CLSTN2: variants seen among roughly 807,000 people sequenced by gnomAD.
CLSTN2 encodes the protein calsyntenin 2.
Under a neutral mutation model 101.2 loss-of-function variants are expected in CLSTN2, and 48 were observed. The ratio of observed to expected loss-of-function variants is 0.47; its 90% CI spans 0.38 to 0.60. CLSTN2 has a LOEUF of 0.60. Ranked by LOEUF, CLSTN2 falls within the 20% of genes least tolerant of loss-of-function variation. CLSTN2 has a pLI of 0.00. For synonymous variants in CLSTN2, 481 were observed against 463.6 expected (o/e 1.04, Z -0.48); for missense variants, 1,160 against 1,238.2 (o/e 0.94, Z 0.95).
chr3:140,499,189 A>G (rs1934523670), intron 8 of CLSTN2, among the ~76,000 whole-genome samples: 2 of 152,154 alleles, frequency 1.3e-5, no homozygotes, highest in Admixed American at 1.3e-4. Context: ...CTGACTCTGA[A>G]AAGCAGGGAG....
chr3:140,551,750 T>C (rs1935707637), intron 10 of CLSTN2, among the ~76,000 whole-genome samples: 1 of 151,318 alleles, frequency 6.6e-6, no homozygotes, highest in Admixed American at 6.6e-5. Context: ...AAATTGATAT[T>C]ATTTACCTTG....
At chr3:140,112,414 G>T (rs1257100684) in intron 1 of CLSTN2, among the ~76,000 whole-genome samples, 1 of 151,848 alleles carries the variant, frequency 6.6e-6, no homozygotes, top group Non-Finnish European at 1.5e-5. Context: ...TAAATTTTCT[G>T]CCATAGAATA....
intron 10 of CLSTN2, among the ~76,000 whole-genome samples, chr3:140,553,879 GATA>G (rs1187121279): frequency 3.3e-5 from 5 of 152,280 alleles, no homozygotes; most frequent in South Asian, 2.1e-4. Context: ...GGTGAGTACT[GATA>G]ATGACTCCCA....
intron 2 of CLSTN2, among the ~76,000 whole-genome samples, chr3:140,217,670 GGCATATAT>G (rs2010937081): frequency 6.6e-6 from 1 of 152,170 alleles, no homozygotes; most frequent in South Asian, 2.1e-4. Context: ...TAGGATTTGT[GGCATATAT>G]GACACATTTC....
At chr3:139,941,851 T>C (rs1219261426) in intron 1 of CLSTN2, among the ~76,000 whole-genome samples, 1 of 152,236 alleles carries the variant, frequency 6.6e-6, no homozygotes, top group African/African-American at 2.4e-5. Flanking sequence ...GTTCATACTA[T>C]GTGCCAAGCA....
At chr3:140,536,287 G>A (rs984336352) in intron 9 of CLSTN2, among the ~76,000 whole-genome samples, 3 of 151,958 alleles carry the variant, frequency 2.0e-5, no homozygotes, top group Non-Finnish European at 4.4e-5. Flanking sequence ...GGCACATCTA[G>A]TGTGCTTGGC....
Position 140,404,719 on chromosome 3 carries a change from A to T in CLSTN2, c.590A>T (p.Asn197Ile), listed in dbSNP as rs772657107. The change falls in exon 4 of 17, where the codon AAC becomes ATC. Residue 197 changes from asparagine to isoleucine, a missense_variant. Asn to Ile is a moderately radical substitution (Grantham distance 149). Coordinates refer to ENST00000458420, the MANE Select transcript of CLSTN2 (RefSeq NM_022131.3). ...TCCCCACAGTACAGCCAGATCTGCA[A>T]CTATGAAATCGTCACCACAGATGTG... ...DCSPQYSQIC[N>I]YEIVTTDVPF... 1 of 1,614,224 alleles carries T rather than the reference A, an allele frequency of 6.2e-7. No homozygotes were observed. The highest frequency in any genetic ancestry group is 2.2e-5 in the East Asian group (1 of 44,870).
At chr3:139,957,624 A>G (rs1935431144) in intron 1 of CLSTN2, among the ~76,000 whole-genome samples, 1 of 152,136 alleles carries the variant, frequency 6.6e-6, no homozygotes, top group African/African-American at 2.4e-5. Context: ...TGAATAGACA[A>G]AGGAATGAAT....
intron 2 of CLSTN2, among the ~76,000 whole-genome samples, chr3:140,321,885 C>T (rs868808421): frequency 3.3e-5 from 5 of 152,198 alleles, no homozygotes; most frequent in African/African-American, 9.7e-5. Context: ...AACGCAGGCT[C>T]GTAGGAAAGG....
In CLSTN2 at chr3:140,575,382, A is replaced by C. The variant is rs2107800541; in HGVS notation, c.*9129A>C. The stretch of plus-strand genomic sequence containing the variant: ...TAAAGATGCATCCAAGTTTGCAAAA[A>C]ATTATGGGTAAATCTGGCCATGTGA... On this transcript the variant is annotated 3_prime_UTR_variant, in exon 17 of 17. Coordinates refer to ENST00000458420, the MANE Select transcript of CLSTN2 (RefSeq NM_022131.3). 6.6e-6 allele frequency: 1 copy of C among 152,302 alleles called. No individual in the cohort carries two copies. Among genetic ancestry groups the C allele is most frequent in the Non-Finnish European group, 1.5e-5 (1 of 68,044 alleles). The allele number at this position is 152,302 out of a possible 1,614,324, so 9.4% of individuals were successfully genotyped here. A position where few individuals can be genotyped will look rare whatever the true frequency, so the allele number is the denominator to read the frequency against.
chr3:140,083,283 C>T (rs1416563893), intron 1 of CLSTN2, among the ~76,000 whole-genome samples: 1 of 152,158 alleles, frequency 6.6e-6, no homozygotes, highest in East Asian at 1.9e-4. Flanking sequence ...GGCAAGTCTA[C>T]TATGTTGCTA....
intron 8 of CLSTN2, among the ~76,000 whole-genome samples, chr3:140,484,611 T>C (rs1934199099): frequency 6.6e-6 from 1 of 152,242 alleles, no homozygotes; most frequent in Admixed American, 6.5e-5. Context: ...CAATCAGATG[T>C]AGATTTGGTC....
At chr3:140,481,851 G>A (rs1327053835) in intron 8 of CLSTN2, among the ~76,000 whole-genome samples, 3 of 152,216 alleles carry the variant, frequency 2.0e-5, no homozygotes, top group African/African-American at 7.2e-5. Flanking sequence ...ATTTTGGGCT[G>A]AGACGATGGG....
intron 8 of CLSTN2, among the ~76,000 whole-genome samples, chr3:140,511,347 A>G (rs1934809489): frequency 6.6e-6 from 1 of 152,080 alleles, no homozygotes; most frequent in Non-Finnish European, 1.5e-5. Flanking sequence ...TTGTATCTTT[A>G]TAATAAAATG....
intron 1 of CLSTN2, among the ~76,000 whole-genome samples, chr3:140,019,036 C>T (rs929497243): frequency 3.3e-5 from 5 of 152,212 alleles, no homozygotes; most frequent in South Asian, 2.1e-4. Flanking sequence ...GGAGTCTCCT[C>T]GGCTCTGAAG....
At chr3:140,360,443 A>T (rs1388612844) in intron 2 of CLSTN2, among the ~76,000 whole-genome samples, 2 of 152,258 alleles carry the variant, frequency 1.3e-5, no homozygotes, top group Non-Finnish European at 2.9e-5. Context: ...GGAAAAGGAG[A>T]AGCATTTGAG....
chr3:140,527,836 A>AT (rs1187389029), intron 8 of CLSTN2, among the ~76,000 whole-genome samples: 4 of 152,162 alleles, frequency 2.6e-5, no homozygotes, highest in African/African-American at 9.7e-5. Context: ...CAAATACCGT[A>AT]TTTTTTCACT....
intron 8 of CLSTN2, among the ~76,000 whole-genome samples, chr3:140,490,142 A>G (rs1396428020): frequency 1.7e-5 from 2 of 119,794 alleles, no homozygotes; most frequent in Non-Finnish European, 3.4e-5. Context: ...ACACACACAC[A>G]CACACACACA....
chr3:140,150,670 G>T (rs1382381157), intron 1 of CLSTN2, among the ~76,000 whole-genome samples: 1 of 152,248 alleles, frequency 6.6e-6, no homozygotes, highest in East Asian at 1.9e-4. Flanking sequence ...AAACTCTAGA[G>T]CATCCAGAGG....
Sources: gnomAD v4.1 joint callset for allele counts (sites outside exome capture counted in the v4.1 genomes callset) on GRCh38, gnomAD v4.1.1 for gene constraint, MANE v1.5 for transcripts, NCBI Gene and HGNC (gene_info 2026-07-23, HGNC 2026-07-21) for gene names.